Variants in ZNF385B observed in about 807,000 individuals in gnomAD.
ZNF385B encodes the protein zinc finger protein 533.
Under a neutral mutation model 39.2 loss-of-function variants are expected in ZNF385B, and 23 were observed. The ratio of observed to expected loss-of-function variants is 0.59; its 90% confidence interval spans 0.42 to 0.83. ZNF385B has a LOEUF of 0.83. Among genes scored for constraint, ZNF385B ranks in the 40% least tolerant of loss-of-function variants. The probability of loss-of-function intolerance (pLI) is 0.00; values close to 1 mark genes in which losing one functional copy is unlikely to be tolerated. For synonymous variants in ZNF385B, 205 were observed against 222.6 expected (o/e 0.92, Z 0.70); for missense variants, 552 against 598.9 (o/e 0.92, Z 0.82).
rs755031403 is a variant in ZNF385B, at chr2:179,445,698, C to T, written c.992G>A (p.Arg331His). Residue 331 changes from arginine to histidine, a missense_variant, in exon 8 of 10, where the codon CGT (arginine) becomes CAT (histidine). Coordinates refer to ENST00000410066, the MANE Select transcript of ZNF385B (RefSeq NM_152520.6). ...GGATTTAATTGGACCAGCCCCATTA[C>T]GAGCTTCAACCATGGTCTTGTGTTT... ...GSKHKTMVEA[R>H]NGAGPIKSYP... is the part of the protein sequence containing the mutation. The T allele has an allele frequency of 1.2e-5, 20 of 1,612,272 alleles. No individual in the cohort carries two copies. Among genetic ancestry groups the T allele is most frequent in the South Asian group, 9.9e-5 (9 of 90,748 alleles).
intron 4 of ZNF385B, among the ~76,000 whole-genome samples, chr2:179,540,789 C>T (rs1438864472): frequency 1.1e-5 from 1 of 92,610 alleles, no homozygotes; most frequent in Non-Finnish European, 2.3e-5. Context: ...GTGACAACTG[C>T]TATAATTAAT....
In ZNF385B at chr2:179,493,395, G is replaced by A. The variant is rs542971091; in HGVS notation, c.553-9961C>T. Among the ~76,000 whole-genome samples the A allele has an allele frequency of 9.2e-5, 14 of 151,362 alleles. No homozygotes were observed. The South Asian group carries it at 2.7e-3, about 29-fold the overall frequency. ...TGTGTGCGCGCGCACATATATGTAT[G>A]CATACATATATGTACACAAATGCAT... On this transcript the variant is annotated intron_variant, in intron 5 of 9. Transcript: ENST00000410066.
At chr2:179,700,203 T>C (rs1699082277) in intron 3 of ZNF385B, among the ~76,000 whole-genome samples, 1 of 152,174 alleles carries the variant, frequency 6.6e-6, no homozygotes, top group South Asian at 2.1e-4. Context: ...TAAATGATCC[T>C]TCTCTGTACT....
intron 9 of ZNF385B, 33 bp downstream of exon 9, chr2:179,444,843 C>G (rs1393144117): frequency 6.3e-7 from 1 of 1,587,456 alleles, no homozygotes; most frequent in Admixed American, 1.7e-5. Context: ...AAGGCTGCCC[C>G]ACAAAACAGG....
intron 3 of ZNF385B, among the ~76,000 whole-genome samples, chr2:179,685,729 C>G (rs1264594470): frequency 6.6e-6 from 1 of 152,168 alleles, no homozygotes; most frequent in East Asian, 1.9e-4. Flanking sequence ...GTTCCCACTT[C>G]TCATTTGCTA....
At chr2:179,642,588 A>G (rs1692366458) in intron 3 of ZNF385B, among the ~76,000 whole-genome samples, 1 of 152,158 alleles carries the variant, frequency 6.6e-6, no homozygotes, top group East Asian at 1.9e-4. Flanking sequence ...CACCTTCAGA[A>G]GTTCTTCAAA....
At chr2:179,798,498 C>A (rs1396042709) in intron 1 of ZNF385B, among the ~76,000 whole-genome samples, 1 of 152,054 alleles carries the variant, frequency 6.6e-6, no homozygotes, top group Non-Finnish European at 1.5e-5. Flanking sequence ...TTTCTATCAA[C>A]CTCATTCATC....
At chr2:179,570,733 G>A in intron 3 of ZNF385B, among the ~76,000 whole-genome samples, 1 of 152,082 alleles carries the variant, frequency 6.6e-6, no homozygotes. Flanking sequence ...CTTTATGCCA[G>A]GGCTTCTTAA....
intron 3 of ZNF385B, among the ~76,000 whole-genome samples, chr2:179,640,318 T>C (rs1692151321): frequency 6.6e-6 from 1 of 152,140 alleles, no homozygotes; most frequent in African/African-American, 2.4e-5. Flanking sequence ...GCAGAGAATG[T>C]TCTTGTTCTT....
At chr2:179,594,893 A>G (rs1338045458) in intron 3 of ZNF385B, among the ~76,000 whole-genome samples, 1 of 151,806 alleles carries the variant, frequency 6.6e-6, no homozygotes, top group Admixed American at 6.6e-5. Flanking sequence ...TGCAGGCTCA[A>G]CCTCCTGGAC....
rs140550849 is a variant in ZNF385B, at chr2:179,705,754, C to T, written c.298+63749G>A. Among the ~76,000 whole-genome samples the T allele has an allele frequency of 5.1e-4, 77 of 152,322 alleles. 1 individual carries two copies. The highest frequency in any genetic ancestry group is 3.3e-3 in the East Asian group (17 of 5,186). ...GAGCAAATATCTTAGGCTTTGCCAA[C>T]CTATTGTTGCAACTACTCAATTCTG... On this transcript the variant is annotated intron_variant, in intron 3 of 9. Transcript: ENST00000410066.
intron 1 of ZNF385B, among the ~76,000 whole-genome samples, chr2:179,799,973 G>A (rs560271950): frequency 3.3e-5 from 5 of 152,114 alleles, no homozygotes; most frequent in South Asian, 2.1e-4. Flanking sequence ...GAAATGAATC[G>A]AACATGCTTC....
intron 3 of ZNF385B, among the ~76,000 whole-genome samples, chr2:179,704,235 A>G (rs1699420682): frequency 6.6e-6 from 1 of 152,222 alleles, no homozygotes; most frequent in Admixed American, 6.5e-5. Context: ...AAAGAGTTTG[A>G]TAATCCACTG....
chr2:179,617,901 T>G (rs1326263124), intron 3 of ZNF385B, among the ~76,000 whole-genome samples: 4 of 152,108 alleles, frequency 2.6e-5, no homozygotes, highest in Non-Finnish European at 5.9e-5. Context: ...TCTTGAGAAC[T>G]TGATCCCCCT....
At chr2:179,471,126 C>G (rs1015206563) in intron 6 of ZNF385B, among the ~76,000 whole-genome samples, 1 of 152,060 alleles carries the variant, frequency 6.6e-6, no homozygotes, top group Non-Finnish European at 1.5e-5. Context: ...CTCTTAGGAA[C>G]GTTGTTATAT....
chr2:179,844,927 A>T (rs550193667), intron 1 of ZNF385B, among the ~76,000 whole-genome samples: 19 of 152,172 alleles, frequency 1.2e-4, no homozygotes, highest in Non-Finnish European at 2.6e-4. Context: ...CATGTCCAGG[A>T]CTTATTTATC....
chr2:179,807,611 A>C (rs1373382649), intron 1 of ZNF385B, among the ~76,000 whole-genome samples: 2 of 149,254 alleles, frequency 1.3e-5, no homozygotes, highest in Non-Finnish European at 3.0e-5. Context: ...AAGAGTAAAA[A>C]AAGGCCAGGT....
At chr2:179,630,741 G>A (rs371574901) in intron 3 of ZNF385B, among the ~76,000 whole-genome samples, 21 of 152,274 alleles carry the variant, frequency 1.4e-4, no homozygotes, top group Middle Eastern at 3.4e-3. Context: ...GAGGGTGTTC[G>A]AACCCATCGC....
At chr2:179,823,347 G>C (rs1452974199) in intron 1 of ZNF385B, among the ~76,000 whole-genome samples, 1 of 152,122 alleles carries the variant, frequency 6.6e-6, no homozygotes, top group Non-Finnish European at 1.5e-5. Flanking sequence ...TCTCAACATA[G>C]CAAGTTTAAT....
Sources: gnomAD v4.1 joint callset for allele counts (sites outside exome capture counted in the v4.1 genomes callset) on GRCh38, gnomAD v4.1.1 for gene constraint, MANE v1.5 for transcripts, NCBI Gene and HGNC (gene_info 2026-07-23, HGNC 2026-07-21) for gene names.